HIVEP2: variants seen among roughly 807,000 people sequenced by gnomAD.
HIVEP2 encodes transcription factor HIVEP2.
HIVEP2 carries 14 observed loss-of-function variants against 180.7 expected under a neutral mutation model. That is an observed-to-expected ratio of 0.08 (90% CI 0.05 to 0.12). The LOEUF is 0.12. Among genes scored for constraint, HIVEP2 ranks in the 10% least tolerant of loss-of-function variants. The pLI is 1.00. For synonymous variants in HIVEP2, 1,184 were observed against 1,136.4 expected (o/e 1.04, Z -0.84); for missense variants, 2,579 against 3,008.5 (o/e 0.86, Z 3.34).
chr6:142,816,801 C>G (rs1244375098), intron 2 of HIVEP2, among the ~76,000 whole-genome samples: 5 of 152,272 alleles, frequency 3.3e-5, no homozygotes, highest in Non-Finnish European at 7.4e-5. Context: ...TGTTCAAATA[C>G]TAAGATAGAT....
At chr6:142,914,354 G>T (rs1486145546) in intron 1 of HIVEP2, among the ~76,000 whole-genome samples, 1 of 152,062 alleles carries the variant, frequency 6.6e-6, no homozygotes, top group Admixed American at 6.6e-5. Flanking sequence ...TCTTACAACC[G>T]ATGATACCTT....
Position 142,771,450 on chromosome 6 carries a change from C to G in HIVEP2, c.3289G>C (p.Val1097Leu), listed in dbSNP as rs773090920. The G allele has an allele frequency of 6.2e-7, 1 of 1,613,624 alleles. No homozygotes were observed. Among genetic ancestry groups the G allele is most frequent in the East Asian group, 2.2e-5 (1 of 44,878 alleles). Reference protein sequence around the residue: ...SGSPEISQGEVGMDQSVKQEQ... With the variant: ...SGSPEISQGELGMDQSVKQEQ... The stretch of plus-strand genomic sequence containing the variant: ...TGCTTCACGCTCTGATCCATGCCAA[C>G]CTCGCCCTGGGAGATTTCTGGGGAG... Residue 1097 changes from valine to leucine, a missense_variant, in exon 5 of 10, where the codon GTT becomes CTT. Around this residue, in one of 11 missense-constraint regions of HIVEP2, gnomAD observed 523 missense variants for 577.0 expected, o/e 0.91. Coordinates refer to ENST00000367603, the MANE Select transcript of HIVEP2 (RefSeq NM_006734.4). This position sits in a 1 kb window ranked among gnomAD's most constrained non-coding sequence, Gnocchi z 5.4.
In HIVEP2 at chr6:142,764,157, C is replaced by T. The variant is rs1055031067; in HGVS notation, c.5518+642G>A. On this transcript the variant is annotated intron_variant, in intron 7 of 9. Transcript: ENST00000367603. Reference sequence around the variant, plus strand: ...ATATTATAAAAAATAAAAATATAACCGAAGCAACTTCCTTGAGTAAAATAT... The same window carrying T: ...ATATTATAAAAAATAAAAATATAACTGAAGCAACTTCCTTGAGTAAAATAT... Among the ~76,000 whole-genome samples the T allele has an allele frequency of 2.6e-5, 4 of 151,840 alleles. 1 individual carries two copies. The highest frequency in any genetic ancestry group is 4.2e-4 in the South Asian group (2 of 4,814).
At chr6:142,834,717 A>T (rs535890584) in intron 2 of HIVEP2, among the ~76,000 whole-genome samples, 2 of 152,242 alleles carry the variant, frequency 1.3e-5, no homozygotes, top group South Asian at 4.1e-4. Context: ...AAGGAAGAAT[A>T]TTGTGTGGAT....
Position 142,773,455 on chromosome 6 carries a change from T to C in HIVEP2, c.1284A>G (p.Lys428=), listed in dbSNP as rs1051344309. 6.2e-6 allele frequency: 10 copies of C among 1,614,124 alleles called. No homozygotes were observed. The highest frequency in any genetic ancestry group is 7.6e-6 in the Non-Finnish European group (9 of 1,180,060). ...CATTTCTCGGACTAAGCCGACAGTATTTTCCAAAGATGATTTCTTCATAAG... is the reference window on the plus strand; with the variant it reads ...CATTTCTCGGACTAAGCCGACAGTACTTTCCAAAGATGATTTCTTCATAAG... ...AKSYEEIIFG[K]YCRLSPRNAL... The change falls in exon 5 of 10, where the codon AAA becomes AAG. Residue 428 remains lysine, a synonymous_variant. Coordinates refer to ENST00000367603, the MANE Select transcript of HIVEP2 (RefSeq NM_006734.4).
chr6:142,944,361 A>ACCCCC (rs55804696), intron 1 of HIVEP2, among the ~76,000 whole-genome samples: 16 of 104,322 alleles, frequency 1.5e-4, no homozygotes, highest in African/African-American at 6.6e-4. Context: ...TCTGGAGTCC[A>ACCCCC]CCCCCCCCCC....
chr6:142,796,815 G>A (rs906711068), intron 2 of HIVEP2, among the ~76,000 whole-genome samples: 3 of 152,136 alleles, frequency 2.0e-5, no homozygotes, highest in Non-Finnish European at 2.9e-5. Flanking sequence ...TTTGCTGGCC[G>A]ACAAACCTCT....
Position 142,773,014 on chromosome 6 carries a change from A to T in HIVEP2, c.1725T>A (p.Asp575Glu), listed in dbSNP as rs758172881. The change falls in exon 5 of 10, where the codon GAT becomes GAA. Residue 575 changes from aspartate (D) to glutamate (E), a missense_variant. This residue lies in a region of HIVEP2 where 524 missense variants were observed against 563.6 expected (regional missense o/e 0.93). Transcript: ENST00000367603. ...TGCCCACGGTCCCTGGATAGAATAC[A>T]TCGTCGGAACCAGTCATCCTTTCAT... ...SFDERMTGSD[D>E]VFYPGTVGIP... 8.1e-6 allele frequency: 13 copies of T among 1,614,066 alleles called. No individual in the cohort carries two copies. The highest frequency in any genetic ancestry group is 1.1e-5 in the Non-Finnish European group (13 of 1,180,044).
chr6:142,827,428 C>A (rs573063597), intron 2 of HIVEP2, among the ~76,000 whole-genome samples: 2 of 152,332 alleles, frequency 1.3e-5, no homozygotes, highest in East Asian at 1.9e-4. Flanking sequence ...CTGGGTGTGA[C>A]AAAGTACGCC....
At chr6:142,801,861 C>T (rs938077394) in intron 2 of HIVEP2, among the ~76,000 whole-genome samples, 1 of 152,158 alleles carries the variant, frequency 6.6e-6, no homozygotes, top group Admixed American at 6.5e-5. Flanking sequence ...TAAGTTCCAA[C>T]ATAGTTCATT....
intron 2 of HIVEP2, among the ~76,000 whole-genome samples, chr6:142,831,525 T>G (rs765322093): frequency 6.6e-6 from 1 of 152,230 alleles, no homozygotes; most frequent in African/African-American, 2.4e-5. Flanking sequence ...CGCCCCTTTG[T>G]CCTGCAGTCA....
At chr6:142,936,808 A>T (rs1284631489) in intron 1 of HIVEP2, among the ~76,000 whole-genome samples, 1 of 151,734 alleles carries the variant, frequency 6.6e-6, no homozygotes, top group East Asian at 1.9e-4. Context: ...TAGAATGTAA[A>T]CTCCATGAAG....
intron 1 of HIVEP2, among the ~76,000 whole-genome samples, chr6:142,879,084 AAG>A (rs1296546057): frequency 2.6e-5 from 4 of 152,164 alleles, no homozygotes; most frequent in Non-Finnish European, 4.4e-5. Context: ...TTATGTGTGT[AAG>A]AGTCATTGGT....
At chr6:142,797,726 C>T (rs473497) in intron 2 of HIVEP2, among the ~76,000 whole-genome samples, 87,939 of 151,928 alleles carry the variant, frequency 0.58, 26,863 homozygotes, top group Non-Finnish European at 0.68. Flanking sequence ...TTATAATTGT[C>T]CTTTTTAATT....
chr6:142,887,701 C>T (rs12213441), intron 1 of HIVEP2, among the ~76,000 whole-genome samples: 23,689 of 152,164 alleles, frequency 0.16, 2,402 homozygotes, highest in Non-Finnish European at 0.23. Flanking sequence ...CTTCCTTACC[C>T]TAGATTAGAA....
intron 3 of HIVEP2, among the ~76,000 whole-genome samples, chr6:142,778,928 C>T (rs1031748349): frequency 5.9e-5 from 9 of 152,014 alleles, no homozygotes; most frequent in Non-Finnish European, 1.0e-4. Flanking sequence ...ATGAGCTCTG[C>T]ATGTTTGTAG....
chr6:142,758,347 C>A (rs1000935305), intron 9 of HIVEP2, among the ~76,000 whole-genome samples: 1 of 152,158 alleles, frequency 6.6e-6, no homozygotes, highest in Non-Finnish European at 1.5e-5. Context: ...AGGAATGCAG[C>A]AGCTTTCCTA....
intron 1 of HIVEP2, among the ~76,000 whole-genome samples, chr6:142,940,015 A>G (rs1008792037): frequency 6.6e-6 from 1 of 152,226 alleles, no homozygotes; most frequent in African/African-American, 2.4e-5. Context: ...AAAGTAAGAA[A>G]TCAGAACTAA....
intron 1 of HIVEP2, among the ~76,000 whole-genome samples, chr6:142,922,087 C>T (rs1777696537): frequency 6.6e-6 from 1 of 152,084 alleles, no homozygotes; most frequent in Admixed American, 6.5e-5. Context: ...GATCTGGCCT[C>T]ATCTTACATC....
Sources: allele counts gnomAD v4.1 joint callset (sites outside exome capture counted in the v4.1 genomes callset), GRCh38; gene constraint gnomAD v4.1.1; regional missense constraint gnomAD v4.1.1; non-coding constraint Gnocchi (gnomAD v3.1); transcripts MANE v1.5; gene names NCBI Gene and HGNC (gene_info 2026-07-23, HGNC 2026-07-21).